The following ARL4C variants were observed in gnomAD, a reference collection of about 807,000 sequenced individuals.
The protein encoded by ARL4C is ADP-ribosylation factor-like protein 4C.
In ARL4C, 5 loss-of-function variants were observed where a neutral mutation model predicts 12.8. The ratio of observed to expected loss-of-function variants is 0.39; its 90% CI spans 0.20 to 0.82. The LOEUF (loss-of-function observed/expected upper bound fraction) is 0.82, where lower values mean the gene tolerates loss of function less well. Among genes scored for constraint, ARL4C ranks in the 40% least tolerant of loss-of-function variants. The pLI is 0.39. For missense variants in ARL4C, 148 were observed against 265.2 expected (o/e 0.56, Z 3.07); for synonymous variants, 119 against 119.4 (o/e 1.00, Z 0.02).
chr2:234,496,562 A>G lies in ARL4C; in HGVS notation c.25T>C (p.Ser9Pro). ...ACGATATGCAGGGACTGGAAGGCCG[A>G]GATGTTAGAGGAGATGTTGCCCATG... The part of the protein sequence containing the change: MGNISSNI[S>P]AFQSLHIVML... The change falls in exon 1 of 2, where the codon TCG (serine) becomes CCG (proline). Residue 9 changes from serine to proline, a missense_variant. Physicochemically the swap from Ser to Pro is moderately conservative, Grantham distance 74. Around this residue, in one of 4 missense-constraint regions of ARL4C, gnomAD observed 51 missense variants for 127.9 expected, o/e 0.40. Transcript: ENST00000339728. 1 of 1,595,422 alleles carries G rather than the reference A, an allele frequency of 6.3e-7. No individual in the cohort carries two copies. The highest frequency in any genetic ancestry group is 1.1e-5 in the South Asian group (1 of 88,742).
chr2:234,495,609 T>C lies in ARL4C; in HGVS notation c.*197A>G, dbSNP rs1691770021. The C allele has an allele frequency of 3.0e-6, 2 of 669,362 alleles. No homozygotes were observed. Among genetic ancestry groups the C allele is most frequent in the East Asian group, 2.7e-5 (1 of 36,972 alleles). The allele number at this position is 669,362 out of a possible 1,614,324, so 41.5% of individuals were successfully genotyped here. A position where few individuals can be genotyped will look rare whatever the true frequency, so the allele number is the denominator to read the frequency against. On this transcript the variant is annotated 3_prime_UTR_variant, in exon 2 of 2. Coordinates refer to ENST00000339728, the MANE Select transcript of ARL4C (RefSeq NM_001282431.2). ...GTGGAGGCGGGGCAGCCTGAACTTCTGGCCCTGCAGGAGTGGGAAGAAATC... is the reference window on the plus strand; with the variant it reads ...GTGGAGGCGGGGCAGCCTGAACTTCCGGCCCTGCAGGAGTGGGAAGAAATC...
rs760892681 is a variant in ARL4C at position 234,493,517 on chromosome 2, T to C, written c.*2289A>G. On this transcript the variant is annotated 3_prime_UTR_variant, in exon 2 of 2. Transcript: ENST00000339728. ...CACAGGGCTTTACTTTACTGCACAA[T>C]TACTAACAGTTGATTGCACCCTTAA... 6.6e-6 allele frequency: 1 copy of C among 152,642 alleles called. No individual in the cohort carries two copies. The highest frequency in any genetic ancestry group is 1.5e-5 in the Non-Finnish European group (1 of 68,058). The allele number at this position is 152,642 out of a possible 1,614,324, so 9.5% of individuals were successfully genotyped here. A position where few individuals can be genotyped will look rare whatever the true frequency, so the allele number is the denominator to read the frequency against.
At position 234,494,504 on chromosome 2, in the gene ARL4C, C is replaced by A. The variant is rs1244284881; in HGVS notation, c.*1302G>T. ...CAAAGTGCTGGCTGGCTCCGAAGGC[C>A]AGTTCCCACAAGAATGAATTCGGAA... is the stretch of plus-strand genomic sequence containing the variant. On this transcript the variant is annotated 3_prime_UTR_variant, in exon 2 of 2. Transcript: ENST00000339728. 6.6e-6 allele frequency: 1 copy of A among 152,634 alleles called. No individual in the cohort carries two copies. Among genetic ancestry groups the A allele is most frequent in the African/African-American group, 2.4e-5 (1 of 41,452 alleles). 9.5% of individuals were successfully genotyped at this position (152,634 alleles called of 1,614,324 possible).
rs1256137648 is a variant in ARL4C, at chr2:234,495,635, G to A, written c.*171C>T. On this transcript the variant is annotated 3_prime_UTR_variant, in exon 2 of 2. Coordinates refer to ENST00000339728, the MANE Select transcript of ARL4C (RefSeq NM_001282431.2). ...GGCCCTGCAGGAGTGGGAAGAAATCGCTTTTGTCTTTCCGACAACTGAGCC... is the reference window on the plus strand; with the variant it reads ...GGCCCTGCAGGAGTGGGAAGAAATCACTTTTGTCTTTCCGACAACTGAGCC... The A allele has an allele frequency of 6.2e-6, 5 of 801,380 alleles. No homozygotes were observed. In the Admixed American group the frequency reaches 6.9e-5, roughly 11 times the overall value. The allele number at this position is 801,380 out of a possible 1,614,324, so 49.6% of individuals were successfully genotyped here.
Position 234,495,831 on chromosome 2 carries a change from C to G in ARL4C, c.581G>C (p.Gly194Ala). ...TCAGACTTCGCAGCTCCTTAAGTCACCAGTCCTGCATTTGGGTGCAGAGAT... is the reference window on the plus strand; with the variant it reads ...TCAGACTTCGCAGCTCCTTAAGTCAGCAGTCCTGCATTTGGGTGCAGAGAT... ...KSLKQKKKRT[G>A]DLRSCEV Residue 194 changes from glycine to alanine, a missense_variant, in exon 2 of 2, where the codon GGT becomes GCT. Around this residue, in one of 4 missense-constraint regions of ARL4C, gnomAD observed 28 missense variants for 24.3 expected, o/e 1.15. Transcript: ENST00000339728. 6.3e-7 allele frequency: 1 copy of G among 1,598,656 alleles called. No homozygotes were observed. Among genetic ancestry groups the G allele is most frequent in the Non-Finnish European group, 8.5e-7 (1 of 1,179,814 alleles).
chr2:234,495,749 C>G lies in ARL4C; in HGVS notation c.*57G>C. On this transcript the variant is annotated 3_prime_UTR_variant, in exon 2 of 2. Coordinates refer to ENST00000339728, the MANE Select transcript of ARL4C (RefSeq NM_001282431.2). ...CGACCTGGTCAGTAGCTCTGGCGTTCAGACAAAAGGTCCCCTGAGCTGGGG... is the reference window on the plus strand; with the variant it reads ...CGACCTGGTCAGTAGCTCTGGCGTTGAGACAAAAGGTCCCCTGAGCTGGGG... The G allele has an allele frequency of 1.3e-6, 2 of 1,596,330 alleles. No homozygotes were observed. Among genetic ancestry groups the G allele is most frequent in the Non-Finnish European group, 1.7e-6 (2 of 1,177,894 alleles).
chr2:234,494,697 C>G lies in ARL4C; in HGVS notation c.*1109G>C, dbSNP rs1691752652. 1.3e-5 allele frequency: 2 copies of G among 152,108 alleles called. No homozygotes were observed. The highest frequency in any genetic ancestry group is 1.3e-4 in the Admixed American group (2 of 15,264). The allele number at this position is 152,108 out of a possible 1,614,324, so 9.4% of individuals were successfully genotyped here. A position where few individuals can be genotyped will look rare whatever the true frequency, so the allele number is the denominator to read the frequency against. ...GGCCACAATGAACCAAATTAGAAATCTGAACATGTCACCACTTGCAGCATA... is the reference window on the plus strand; with the variant it reads ...GGCCACAATGAACCAAATTAGAAATGTGAACATGTCACCACTTGCAGCATA... On this transcript the variant is annotated 3_prime_UTR_variant, in exon 2 of 2. Coordinates refer to ENST00000339728, the MANE Select transcript of ARL4C (RefSeq NM_001282431.2).
chr2:234,495,468 C>G lies in ARL4C; in HGVS notation c.*338G>C. ...TGTGACCGAAAATTACTCAGCTTCA[C>G]AGCCCCTGAATGCAAGGAGAGGTGG... On this transcript the variant is annotated 3_prime_UTR_variant, in exon 2 of 2. Transcript: ENST00000339728. The G allele has an allele frequency of 2.1e-6, 1 of 477,966 alleles. No individual in the cohort carries two copies. The highest frequency in any genetic ancestry group is 3.8e-6 in the Non-Finnish European group (1 of 262,088). 29.6% of individuals were successfully genotyped at this position (477,966 alleles called of 1,614,324 possible).
Position 234,495,750 on chromosome 2 carries a change from AG to A in ARL4C, c.*55del, listed in dbSNP as rs1268654166. ...GACCTGGTCAGTAGCTCTGGCGTTC[AG>A]ACAAAAGGTCCCCTGAGCTGGGGGT... On this transcript the variant is annotated 3_prime_UTR_variant, in exon 2 of 2. Transcript: ENST00000339728. 6.3e-7 allele frequency: 1 copy of A among 1,595,704 alleles called. No homozygotes were observed. Among genetic ancestry groups the A allele is most frequent in the Non-Finnish European group, 8.5e-7 (1 of 1,177,436 alleles).
At position 234,494,745 on chromosome 2, in the gene ARL4C, A is replaced by G. The variant is rs980518914; in HGVS notation, c.*1061T>C. 2 of 152,254 alleles carry G rather than the reference A, an allele frequency of 1.3e-5. No homozygotes were observed. The highest frequency in any genetic ancestry group is 1.3e-4 in the Admixed American group (2 of 15,290). The allele number at this position is 152,254 out of a possible 1,614,324, so 9.4% of individuals were successfully genotyped here. A position where few individuals can be genotyped will look rare whatever the true frequency, so the allele number is the denominator to read the frequency against. On this transcript the variant is annotated 3_prime_UTR_variant, in exon 2 of 2. Transcript: ENST00000339728. The stretch of plus-strand genomic sequence containing the variant: ...ATAAAGGAATATAAAAGGGCAGAGC[A>G]AAGTCTTTTTTCCTAAGGTGAATAT...
rs970613930 is a variant in ARL4C, at chr2:234,495,670, G to C, written c.*136C>G. The stretch of plus-strand genomic sequence containing the variant: ...TTCCGACAACTGAGCCTTCCACCTG[G>C]GGCTGGGAGGGCGGACAGCAGGACC... On this transcript the variant is annotated 3_prime_UTR_variant, in exon 2 of 2. Transcript: ENST00000339728. 4 of 1,110,716 alleles carry C rather than the reference G, an allele frequency of 3.6e-6. No individual in the cohort carries two copies. In the African/African-American group the frequency reaches 6.1e-5, roughly 17 times the overall value. The allele number at this position is 1,110,716 out of a possible 1,614,324, so 68.8% of individuals were successfully genotyped here. A position where few individuals can be genotyped will look rare whatever the true frequency, so the allele number is the denominator to read the frequency against.
intron 1 of ARL4C, 46 bp downstream of exon 1, chr2:234,495,966 T>G: frequency 6.2e-7 from 1 of 1,610,502 alleles, no homozygotes; most frequent in Non-Finnish European, 8.5e-7. Flanking sequence ...CCATTCATTC[T>G]TTCTTGACGC....
At position 234,493,896 on chromosome 2, in the gene ARL4C, C is replaced by A. The variant is rs1467995763; in HGVS notation, c.*1910G>T. 1 of 152,518 alleles carries A rather than the reference C, an allele frequency of 6.6e-6. No individual in the cohort carries two copies. The highest frequency in any genetic ancestry group is 1.5e-5 in the Non-Finnish European group (1 of 68,022). The allele number at this position is 152,518 out of a possible 1,614,324, so 9.4% of individuals were successfully genotyped here. A position where few individuals can be genotyped will look rare whatever the true frequency, so the allele number is the denominator to read the frequency against. ...TCAACACTGCTTAGCTAGACTTTCT[C>A]TACTGAGTTTCTACAAAAAGACCAG... On this transcript the variant is annotated 3_prime_UTR_variant, in exon 2 of 2. Transcript: ENST00000339728.
In ARL4C at chr2:234,495,558, A is replaced by T. The variant is rs1216813383; in HGVS notation, c.*248T>A. On this transcript the variant is annotated 3_prime_UTR_variant, in exon 2 of 2. Coordinates refer to ENST00000339728, the MANE Select transcript of ARL4C (RefSeq NM_001282431.2). ...CACGGTTCTGGGAAATGCATACCTC[A>T]GGTAATTCACAGGTGCGATCCCCCA... 6.6e-6 allele frequency: 4 copies of T among 609,270 alleles called. No homozygotes were observed. Among genetic ancestry groups the T allele is most frequent in the Non-Finnish European group, 1.2e-5 (4 of 344,598 alleles). The allele number at this position is 609,270 out of a possible 1,614,324, so 37.7% of individuals were successfully genotyped here.
chr2:234,496,669 G>A lies in ARL4C; in HGVS notation c.-83C>T, dbSNP rs1008639493. 1.0e-4 allele frequency: 91 copies of A among 892,078 alleles called. 1 individual carries two copies. The African/African-American group carries it at 1.5e-3, about 14-fold the overall frequency. The allele number at this position is 892,078 out of a possible 1,614,324, so 55.3% of individuals were successfully genotyped here. A position where few individuals can be genotyped will look rare whatever the true frequency, so the allele number is the denominator to read the frequency against. On this transcript the variant is annotated 5_prime_UTR_variant, in exon 1 of 2. Coordinates refer to ENST00000339728, the MANE Select transcript of ARL4C (RefSeq NM_001282431.2). ...GCAGTCACGGGCCCGACGCGGCCGG[G>A]CGCACCTGGGCCCCGCCCGCCGCCG...
rs1691785260 is a variant in ARL4C, at chr2:234,496,492, C to T, written c.95G>A (p.Arg32Gln). ...DSAGKTTVLY[R>Q]LKFNEFVNTV... ...GTTCACGAACTCGTTGAACTTGAGCCGGTAGAGCACCGTGGTCTTGCCGGC... is the reference window on the plus strand; with the variant it reads ...GTTCACGAACTCGTTGAACTTGAGCTGGTAGAGCACCGTGGTCTTGCCGGC... The change falls in exon 1 of 2, where the codon CGG becomes CAG. Residue 32 changes from arginine to glutamine, a missense_variant. By Grantham distance (43) the Arg-to-Gln change is conservative (BLOSUM62 1). Coordinates refer to ENST00000339728, the MANE Select transcript of ARL4C (RefSeq NM_001282431.2). 1 of 1,613,594 alleles carries T rather than the reference C, an allele frequency of 6.2e-7. No homozygotes were observed. The highest frequency in any genetic ancestry group is 1.3e-5 in the African/African-American group (1 of 74,878).
chr2:234,493,726 TAAGA>T lies in ARL4C; in HGVS notation c.*2076_*2079del, dbSNP rs1168823789. On this transcript the variant is annotated 3_prime_UTR_variant, in exon 2 of 2. Coordinates refer to ENST00000339728, the MANE Select transcript of ARL4C (RefSeq NM_001282431.2). ...GGAACTACCAAAATGTCAAAGTGCT[TAAGA>T]AATTGTCGCATGTGAAGAAAATAAA... 6.6e-6 allele frequency: 1 copy of T among 152,646 alleles called. No homozygotes were observed. The highest frequency in any genetic ancestry group is 2.4e-5 in the African/African-American group (1 of 41,458). 9.5% of individuals were successfully genotyped at this position (152,646 alleles called of 1,614,324 possible).
rs1420299885 is a variant in ARL4C, at chr2:234,494,942, AAG to A, written c.*862_*863del. On this transcript the variant is annotated 3_prime_UTR_variant, in exon 2 of 2. Transcript: ENST00000339728. ...GCTCATCCAAACCAATCAGTAGGCT[AAG>A]AGAATTTAAAATTCCATACATATGA... 1 of 152,392 alleles carries A rather than the reference AAG, an allele frequency of 6.6e-6. No homozygotes were observed. The highest frequency in any genetic ancestry group is 2.4e-5 in the African/African-American group (1 of 41,352). The allele number at this position is 152,392 out of a possible 1,614,324, so 9.4% of individuals were successfully genotyped here.
chr2:234,496,262 G>A lies in ARL4C; in HGVS notation c.325C>T (p.His109Tyr). ...DRLEEAKTEL[H>Y]KVTKFAENQG... ...TTCTCGGCGAACTTGGTCACCTTGT[G>A]CAGCTCCGTCTTGGCCTCCTCCAGC... The change falls in exon 1 of 2, where the codon CAC becomes TAC. Residue 109 changes from histidine (H) to tyrosine (Y), a missense_variant. His to Tyr is a moderately conservative substitution (Grantham distance 83). Transcript: ENST00000339728. The A allele has an allele frequency of 6.3e-7, 1 of 1,592,962 alleles. No homozygotes were observed. Among genetic ancestry groups the A allele is most frequent in the Non-Finnish European group, 8.6e-7 (1 of 1,169,130 alleles).
Sources: allele counts gnomAD v4.1 joint callset, GRCh38; gene constraint gnomAD v4.1.1; regional missense constraint gnomAD v4.1.1; transcripts MANE v1.5; gene names NCBI Gene and HGNC (gene_info 2026-07-23, HGNC 2026-07-21).